Variants in TEX11 observed in about 807,000 individuals in gnomAD.
TEX11 encodes the protein testis-expressed protein 11.
In TEX11, 7 loss-of-function variants were observed where a neutral mutation model predicts 84.4. That is an observed-to-expected ratio of 0.08 (90% confidence interval 0.05 to 0.16). The LOEUF (loss-of-function observed/expected upper bound fraction) is 0.16. TEX11 is among the 10% of genes least tolerant of loss of function. The pLI, the probability that TEX11 is intolerant of heterozygous loss-of-function variation, is 1.00. For missense variants in TEX11, 551 were observed against 660.5 expected (o/e 0.83, Z 1.82); for synonymous variants, 264 against 222.8 (o/e 1.18, Z -1.64).
At chrX:70,710,160 C>A (rs2090414490) in intron 13 of TEX11, among the ~76,000 whole-genome samples, 1 of 110,966 alleles carries the variant, frequency 9.0e-6, no homozygotes, top group South Asian at 3.8e-4. Context: ...TCACCAATAA[C>A]AACATAAATG....
At chrX:70,712,968 A>G (rs1217379814) in intron 13 of TEX11, among the ~76,000 whole-genome samples, 1 of 111,802 alleles carries the variant, frequency 8.9e-6, no homozygotes, top group Non-Finnish European at 1.9e-5. Flanking sequence ...ACATCCCATC[A>G]ATACCTAATT....
At chrX:70,641,330 C>T (rs1432570121) in intron 17 of TEX11, among the ~76,000 whole-genome samples, 1 of 111,188 alleles carries the variant, frequency 9.0e-6, no homozygotes, top group East Asian at 2.8e-4. Flanking sequence ...GAGGCTTTAA[C>T]ACCCCACTGT....
At chrX:70,721,621 A>C (rs370351649) in intron 13 of TEX11, among the ~76,000 whole-genome samples, 1 of 111,665 alleles carries the variant, frequency 9.0e-6, no homozygotes. Flanking sequence ...TGTTTGTCAA[A>C]TTATCTGGAG....
chrX:70,749,426 C>T (rs1161569812), intron 9 of TEX11, among the ~76,000 whole-genome samples: 1 of 110,715 alleles, frequency 9.0e-6, no homozygotes, highest in Non-Finnish European at 1.9e-5. Context: ...CTTCTCCTGC[C>T]TAATTGCCCT....
chrX:70,866,913 A>G (rs2091602514), intron 4 of TEX11, among the ~76,000 whole-genome samples: 1 of 112,227 alleles, frequency 8.9e-6, no homozygotes, highest in South Asian at 3.7e-4. Context: ...CATAGCCAAT[A>G]TCATACTGAA....
intron 9 of TEX11, among the ~76,000 whole-genome samples, chrX:70,796,098 T>G (rs1191049549): frequency 9.0e-6 from 1 of 111,316 alleles, no homozygotes; most frequent in Non-Finnish European, 1.9e-5. Flanking sequence ...AACAAAAAAA[T>G]TCAGGATAAC....
intron 10 of TEX11, among the ~76,000 whole-genome samples, chrX:70,743,886 A>ACACACAC (rs1016873522): frequency 6.5e-5 from 7 of 107,424 alleles, no homozygotes; most frequent in Admixed American, 1.0e-4. Flanking sequence ...ACACACACAC[A>ACACACAC]CACACACACA....
chrX:70,869,931 C>T (rs1253875266), intron 4 of TEX11, among the ~76,000 whole-genome samples: 2 of 112,244 alleles, frequency 1.8e-5, no homozygotes, highest in Non-Finnish European at 3.8e-5. Flanking sequence ...GCAGCTGAGG[C>T]TGAAACAGAA....
chrX:70,529,718 C>G (rs2087859307), intron 29 of TEX11, 117 bp downstream of exon 29: 13 of 758,727 alleles, frequency 1.7e-5, no homozygotes, highest in Non-Finnish European at 2.4e-5. Context: ...TTGAGAGGAA[C>G]AATGAGCAAG....
intron 11 of TEX11, among the ~76,000 whole-genome samples, chrX:70,728,427 T>A (rs1332456394): frequency 3.6e-5 from 4 of 111,967 alleles, no homozygotes; most frequent in African/African-American, 1.3e-4. Context: ...AAGAAAGGAG[T>A]GACAGATGGC....
intron 11 of TEX11, among the ~76,000 whole-genome samples, chrX:70,736,882 G>A (rs4240818): frequency 0.078 from 8,632 of 111,228 alleles, 415 homozygotes; most frequent in Admixed American, 0.24. Flanking sequence ...CATGAACAGC[G>A]GGATCAAATC....
At chrX:70,705,669 CA>C (rs1363378842) in intron 13 of TEX11, among the ~76,000 whole-genome samples, 1 of 112,072 alleles carries the variant, frequency 8.9e-6, no homozygotes, top group East Asian at 2.8e-4. Context: ...AGACACTTCT[CA>C]AAAGAAGACA....
chrX:70,841,046 C>A (rs1355961524), intron 7 of TEX11, among the ~76,000 whole-genome samples: 13 of 110,941 alleles, frequency 1.2e-4, no homozygotes, highest in South Asian at 3.8e-4. Flanking sequence ...CTTTAACACC[C>A]CACTGTCAAC....
chrX:70,535,420 A>G (rs1046272388), intron 28 of TEX11, among the ~76,000 whole-genome samples: 1 of 112,084 alleles, frequency 8.9e-6, no homozygotes, highest in African/African-American at 3.2e-5. Context: ...GAACAATAAA[A>G]TAAAGTAATA....
At chrX:70,615,500 A>G (rs1453243288) in intron 20 of TEX11, among the ~76,000 whole-genome samples, 1 of 112,004 alleles carries the variant, frequency 8.9e-6, no homozygotes, top group African/African-American at 3.2e-5. Context: ...GAAAAAAGAA[A>G]AAAGAATTTA....
At chrX:70,664,110 A>G (rs190636211) in intron 16 of TEX11, among the ~76,000 whole-genome samples, 1 of 112,071 alleles carries the variant, frequency 8.9e-6, no homozygotes, top group Non-Finnish European at 1.9e-5. Flanking sequence ...GTTTGATTGA[A>G]TCTGTACTTC....
At position 70,602,553 on chromosome X, in the gene TEX11, A is replaced by G. The variant is rs2089135840; in HGVS notation, c.2067+2848T>C. The stretch of plus-strand genomic sequence containing the variant: ...ATTAGGTATTGATGGGATGTATTTC[A>G]AAATAATAAGAGCTATCTATGACAA... On this transcript the variant is annotated intron_variant, in intron 24 of 29. Coordinates refer to ENST00000374333, the MANE Select transcript of TEX11 (RefSeq NM_031276.3). Among the ~76,000 whole-genome samples the G allele has an allele frequency of 2.8e-5, 3 of 107,132 alleles. No homozygotes were observed. In the Admixed American group the frequency reaches 3.0e-4, roughly 11 times the overall value. The allele number at this position is 107,132 out of a possible 115,157, so 93.0% of individuals were successfully genotyped here. A position where few individuals can be genotyped will look rare whatever the true frequency, so the allele number is the denominator to read the frequency against.
At chrX:70,522,274 G>C in the TEX11 span, among the ~76,000 whole-genome samples, 1 of 112,029 alleles carries the variant, frequency 8.9e-6, no homozygotes, top group Non-Finnish European at 1.9e-5. Context: ...AAAGGGAAGA[G>C]AGAGAGTGAA....
chrX:70,559,916 A>G (rs1258781443), intron 25 of TEX11, among the ~76,000 whole-genome samples: 1 of 111,711 alleles, frequency 9.0e-6, no homozygotes, highest in Non-Finnish European at 1.9e-5. Context: ...GTTTGGTTTT[A>G]GCAGATACTG....
Sources: gnomAD v4.1 joint callset for allele counts (sites outside exome capture counted in the v4.1 genomes callset) on GRCh38, gnomAD v4.1.1 for gene constraint, MANE v1.5 for transcripts, NCBI Gene and HGNC (gene_info 2026-07-23, HGNC 2026-07-21) for gene names.